Variants in PPP2R5E observed in about 807,000 individuals in gnomAD.
PPP2R5E encodes serine/threonine-protein phosphatase 2A 56 kDa regulatory subunit epsilon isoform.
A neutral mutation model predicts 65.3 loss-of-function variants in PPP2R5E; 4 were observed. The ratio of observed to expected loss-of-function variants is 0.06; its 90% CI spans 0.03 to 0.14. The LOEUF is 0.14. PPP2R5E is among the 10% of genes least tolerant of loss of function. PPP2R5E has a pLI of 1.00. For missense variants in PPP2R5E, 274 were observed against 556.1 expected (o/e 0.49, Z 5.10); for synonymous variants, 183 against 187.4 (o/e 0.98, Z 0.19).
intron 5 of PPP2R5E, among the ~76,000 whole-genome samples, chr14:63,413,880 A>G (rs546088912): frequency 6.6e-6 from 1 of 152,306 alleles, no homozygotes; most frequent in Non-Finnish European, 1.5e-5. Context: ...GTGTGGTACC[A>G]AAGTACTCTA....
intron 2 of PPP2R5E, among the ~76,000 whole-genome samples, chr14:63,460,536 A>G (rs943035424): frequency 1.3e-5 from 2 of 152,250 alleles, no homozygotes; most frequent in African/African-American, 4.8e-5. Flanking sequence ...TGACTTTTCT[A>G]TTAAATACAA....
chr14:63,515,927 G>A (rs1033002935), intron 2 of PPP2R5E, among the ~76,000 whole-genome samples: 8 of 147,538 alleles, frequency 5.4e-5, no homozygotes, highest in African/African-American at 7.6e-5. Context: ...TTGGCTCACT[G>A]CAAGCTCTGC....
chr14:63,456,671 G>T (rs1223165334), intron 2 of PPP2R5E, among the ~76,000 whole-genome samples: 2 of 152,176 alleles, frequency 1.3e-5, no homozygotes, highest in African/African-American at 2.4e-5. Context: ...GTGGAGACAG[G>T]ATTCAAACCC....
intron 3 of PPP2R5E, among the ~76,000 whole-genome samples, chr14:63,437,686 A>C (rs1407591359): frequency 6.6e-6 from 1 of 152,114 alleles, no homozygotes; most frequent in Admixed American, 6.5e-5. Flanking sequence ...GGCCAATTCC[A>C]CAGTATTTCA....
chr14:63,401,264 C>T (rs1169162684), intron 5 of PPP2R5E, among the ~76,000 whole-genome samples: 4 of 152,010 alleles, frequency 2.6e-5, no homozygotes, highest in Non-Finnish European at 4.4e-5. Flanking sequence ...CTCTGATTTC[C>T]AAAACAAAAT....
intron 2 of PPP2R5E, among the ~76,000 whole-genome samples, chr14:63,496,811 G>A (rs1163838882): frequency 6.7e-6 from 1 of 148,764 alleles, no homozygotes; most frequent in Non-Finnish European, 1.5e-5. Flanking sequence ...AAGACTGACA[G>A]AAATAAAAAT....
intron 3 of PPP2R5E, among the ~76,000 whole-genome samples, chr14:63,426,429 A>G (rs954150170): frequency 8.5e-5 from 13 of 152,082 alleles, no homozygotes; most frequent in Admixed American, 3.9e-4. Flanking sequence ...AAAAAAGTTT[A>G]TAAATAAAGA....
rs533930225 is a variant in PPP2R5E, at chr14:63,502,323, G to C, written c.157+37206C>G. ...CTTCTCGAAGTCCTGAGGGTGACAA[G>C]ATTCATCCTGCTCAACACCTCACTT... On this transcript the variant is annotated intron_variant, in intron 2 of 13. Transcript: ENST00000337537. Among the ~76,000 whole-genome samples, 3 of 152,276 alleles carry C rather than the reference G, an allele frequency of 2.0e-5. No homozygotes were observed. The South Asian group carries it at 6.2e-4, about 32-fold the overall frequency.
intron 2 of PPP2R5E, among the ~76,000 whole-genome samples, chr14:63,477,794 T>C (rs773363385): frequency 9.2e-5 from 14 of 151,818 alleles, no homozygotes; most frequent in Non-Finnish European, 1.3e-4. Context: ...TTCAGCAGCA[T>C]ATATACTAAA....
intron 2 of PPP2R5E, among the ~76,000 whole-genome samples, chr14:63,518,790 A>G (rs906734616): frequency 2.0e-5 from 3 of 152,232 alleles, no homozygotes; most frequent in African/African-American, 4.8e-5. Flanking sequence ...GTTATTATAA[A>G]TAATCACATG....
chr14:63,401,636 TGAAC>T (rs1885758228), intron 5 of PPP2R5E, among the ~76,000 whole-genome samples: 2 of 152,144 alleles, frequency 1.3e-5, no homozygotes, highest in South Asian at 4.1e-4. Context: ...GCAGGGGGAT[TGAAC>T]CTCTCTCCTC....
At chr14:63,480,124 G>A (rs1351954285) in intron 2 of PPP2R5E, among the ~76,000 whole-genome samples, 1 of 152,068 alleles carries the variant, frequency 6.6e-6, no homozygotes, top group African/African-American at 2.4e-5. Context: ...ATAATTTTAA[G>A]GAAATTCATT....
intron 3 of PPP2R5E, among the ~76,000 whole-genome samples, chr14:63,427,106 G>A (rs1181589023): frequency 6.6e-6 from 1 of 152,174 alleles, no homozygotes; most frequent in Non-Finnish European, 1.5e-5. Flanking sequence ...TTATTAAATA[G>A]GGCACTTGCA....
chr14:63,446,033 T>C (rs569874612), intron 3 of PPP2R5E, among the ~76,000 whole-genome samples: 1 of 152,330 alleles, frequency 6.6e-6, no homozygotes, highest in East Asian at 1.9e-4. Context: ...TCTAAATCCT[T>C]TGTTGTCATT....
chr14:63,443,412 T>G (rs193119044), intron 3 of PPP2R5E, among the ~76,000 whole-genome samples: 3 of 152,092 alleles, frequency 2.0e-5, no homozygotes, highest in Non-Finnish European at 4.4e-5. Context: ...TGTGACAAGG[T>G]TGAACACTTT....
At chr14:63,490,982 A>G (rs1891258315) in intron 2 of PPP2R5E, among the ~76,000 whole-genome samples, 1 of 152,088 alleles carries the variant, frequency 6.6e-6, no homozygotes, top group African/African-American at 2.4e-5. Flanking sequence ...ATATGGAATC[A>G]ACCTTCAACA....
At chr14:63,489,473 G>A (rs542076391) in intron 2 of PPP2R5E, among the ~76,000 whole-genome samples, 4 of 149,658 alleles carry the variant, frequency 2.7e-5, no homozygotes, top group South Asian at 2.1e-4. Context: ...GCAGTGGCCC[G>A]ATCATGGCTC....
chr14:63,385,536 TA>T (rs951892331), intron 11 of PPP2R5E, among the ~76,000 whole-genome samples: 57 of 152,222 alleles, frequency 3.7e-4, no homozygotes, highest in African/African-American at 1.3e-3. Flanking sequence ...GGGCCCAGCA[TA>T]TGGTTAGCAT....
chr14:63,423,584 G>A (rs1466141269), intron 3 of PPP2R5E, among the ~76,000 whole-genome samples: 2 of 152,166 alleles, frequency 1.3e-5, no homozygotes, highest in Non-Finnish European at 2.9e-5. Context: ...TAAAAAGTGA[G>A]AAGGGAAAAA....
Sources: allele counts gnomAD v4.1 joint callset (sites outside exome capture counted in the v4.1 genomes callset), GRCh38; gene constraint gnomAD v4.1.1; transcripts MANE v1.5; gene names NCBI Gene and HGNC (gene_info 2026-07-23, HGNC 2026-07-21).